TNR: variants seen among roughly 807,000 people sequenced by gnomAD.
TNR encodes the protein tenascin R.
In TNR, 45 loss-of-function variants were observed where a neutral mutation model predicts 150.4. That is an observed-to-expected ratio of 0.30 (90% CI 0.24 to 0.38). TNR has a LOEUF of 0.38. TNR is among the 10% of genes least tolerant of loss of function. TNR has a pLI of 1.00. For synonymous variants in TNR, 687 were observed against 678.4 expected (o/e 1.01, Z -0.20); for missense variants, 1,544 against 1,759.1 (o/e 0.88, Z 2.19).
At chr1:175,324,916 G>A (rs895835380) in intron 21 of TNR, among the ~76,000 whole-genome samples, 4 of 152,178 alleles carry the variant, frequency 2.6e-5, no homozygotes, top group Admixed American at 2.0e-4. Context: ...GCACCACCAT[G>A]CAGCCTCAGC....
chr1:175,466,864 C>A (rs1214306612), intron 2 of TNR, among the ~76,000 whole-genome samples: 1 of 152,010 alleles, frequency 6.6e-6, no homozygotes, highest in African/African-American at 2.4e-5. Context: ...CTTCTGGGTT[C>A]CCCATTAGTA....
intron 1 of TNR, among the ~76,000 whole-genome samples, chr1:175,710,932 C>T (rs1479542767): frequency 1.3e-5 from 2 of 152,122 alleles, no homozygotes; most frequent in Non-Finnish European, 2.9e-5. Context: ...CGTGCCTTTG[C>T]TGCTGTCCTC....
chr1:175,422,776 A>G (rs1654812371), intron 2 of TNR, among the ~76,000 whole-genome samples: 1 of 152,180 alleles, frequency 6.6e-6, no homozygotes, highest in South Asian at 2.1e-4. Context: ...CCACATGTCC[A>G]TCTTCACTGA....
At chr1:175,683,411 G>A (rs1295284969) in intron 1 of TNR, among the ~76,000 whole-genome samples, 1 of 152,174 alleles carries the variant, frequency 6.6e-6, no homozygotes, top group Non-Finnish European at 1.5e-5. Context: ...CCAAGTCAGA[G>A]CTGCTTTTAC....
intron 2 of TNR, among the ~76,000 whole-genome samples, chr1:175,474,675 G>C (rs552583394): frequency 6.6e-6 from 1 of 152,314 alleles, no homozygotes; most frequent in South Asian, 2.1e-4. Context: ...GAGGTCAATG[G>C]GGACATCTGG....
At chr1:175,677,710 G>A (rs890857548) in intron 1 of TNR, among the ~76,000 whole-genome samples, 8 of 152,286 alleles carry the variant, frequency 5.3e-5, no homozygotes, top group East Asian at 1.9e-4. Flanking sequence ...GAACAAAGCC[G>A]TGTTTACCAC....
intron 1 of TNR, among the ~76,000 whole-genome samples, chr1:175,730,958 G>A (rs147831772): frequency 2.6e-4 from 39 of 152,248 alleles, no homozygotes; most frequent in South Asian, 6.2e-4. Context: ...ATGTCTGTCC[G>A]GGGGCAGAAA....
rs189440332 is a variant in TNR at position 175,710,401 on chromosome 1, C to T, written c.-165+32825G>A. ...GTCCTGCTTATGTTGGGCATGAGGT[C>T]CCTGTGAGGTCTCCCAGGGGAGCTT... On this transcript the variant is annotated intron_variant, in intron 1 of 22. Coordinates refer to ENST00000367674, the MANE Select transcript of TNR (RefSeq NM_003285.3). Among the ~76,000 whole-genome samples, 113 of 152,244 alleles carry T rather than the reference C, an allele frequency of 7.4e-4. 1 individual carries two copies. Among genetic ancestry groups the T allele is most frequent in the East Asian group, 1.7e-3 (9 of 5,156 alleles).
chr1:175,691,376 G>A (rs1666365826), intron 1 of TNR, among the ~76,000 whole-genome samples: 1 of 152,222 alleles, frequency 6.6e-6, no homozygotes, highest in Non-Finnish European at 1.5e-5. Flanking sequence ...TTATGTGACA[G>A]GCACAGTTGT....
At chr1:175,441,921 T>TA (rs1218058674) in intron 2 of TNR, among the ~76,000 whole-genome samples, 1 of 152,200 alleles carries the variant, frequency 6.6e-6, no homozygotes, top group East Asian at 1.9e-4. Flanking sequence ...TGTGAATTAC[T>TA]AAAAAACAGA....
chr1:175,345,570 T>C (rs1650741006), intron 18 of TNR, among the ~76,000 whole-genome samples: 1 of 152,054 alleles, frequency 6.6e-6, no homozygotes, highest in Non-Finnish European at 1.5e-5. Flanking sequence ...ATAGGGTGAA[T>C]AAGGGATTTA....
At chr1:175,552,025 T>C (rs1038693467) in intron 1 of TNR, among the ~76,000 whole-genome samples, 2 of 152,166 alleles carry the variant, frequency 1.3e-5, no homozygotes, top group Non-Finnish European at 2.9e-5. Context: ...TCTAAACTTA[T>C]TCAGGTAAAT....
chr1:175,624,723 CTT>C (rs1664090247), intron 1 of TNR, among the ~76,000 whole-genome samples: 1 of 152,182 alleles, frequency 6.6e-6, no homozygotes, highest in African/African-American at 2.4e-5. Context: ...GTTTATGGCA[CTT>C]CATTACTGTA....
intron 2 of TNR, among the ~76,000 whole-genome samples, chr1:175,485,928 C>A (rs1657994267): frequency 6.6e-6 from 1 of 152,118 alleles, no homozygotes; most frequent in African/African-American, 2.4e-5. Context: ...ATTGTCATCA[C>A]CATCCTTCTG....
intron 3 of TNR, 60 bp from the exon 4 acceptor site, chr1:175,403,676 G>T: frequency 7.1e-7 from 1 of 1,408,370 alleles, no homozygotes; most frequent in Non-Finnish European, 9.9e-7. Context: ...AATGGTGCTG[G>T]GGAAGGATGG....
intron 1 of TNR, among the ~76,000 whole-genome samples, chr1:175,732,069 A>C (rs1667657138): frequency 6.6e-6 from 1 of 152,112 alleles, no homozygotes; most frequent in South Asian, 2.1e-4. Flanking sequence ...TATCCCCACC[A>C]GCACTCCCTG....
chr1:175,358,301 G>A (rs1651423070), intron 15 of TNR, among the ~76,000 whole-genome samples: 1 of 152,120 alleles, frequency 6.6e-6, no homozygotes, highest in Non-Finnish European at 1.5e-5. Context: ...ATTTTTCCAT[G>A]TTAACTAAGG....
chr1:175,405,311 T>C (rs1653895161), intron 3 of TNR, among the ~76,000 whole-genome samples: 1 of 152,230 alleles, frequency 6.6e-6, no homozygotes, highest in Non-Finnish European at 1.5e-5. Context: ...AATAACTTCT[T>C]GTTGCTCTAG....
intron 2 of TNR, among the ~76,000 whole-genome samples, chr1:175,442,522 A>C (rs971260621): frequency 6.6e-6 from 1 of 151,722 alleles, no homozygotes; most frequent in Non-Finnish European, 1.5e-5. Flanking sequence ...AGGTGGTCTC[A>C]AGGCCAACTC....
Sources: allele counts gnomAD v4.1 joint callset (sites outside exome capture counted in the v4.1 genomes callset), GRCh38; gene constraint gnomAD v4.1.1; transcripts MANE v1.5; gene names NCBI Gene and HGNC (gene_info 2026-07-23, HGNC 2026-07-21).